CDH18: variants seen among roughly 807,000 people sequenced by gnomAD.
CDH18 encodes the protein cadherin-18.
CDH18 carries 31 observed loss-of-function variants against 67.9 expected under a neutral mutation model. The ratio of observed to expected loss-of-function variants is 0.46; its 90% CI spans 0.34 to 0.62. CDH18 has a LOEUF of 0.62. Ranked by LOEUF, CDH18 falls within the 20% of genes least tolerant of loss-of-function variation. The probability of loss-of-function intolerance (pLI) is 0.01; values close to 1 mark genes in which losing one functional copy is unlikely to be tolerated. For missense variants in CDH18, 890 were observed against 975.5 expected, an observed-to-expected ratio of 0.91 and a Z score of 1.17; for synonymous variants, 362 against 347.2, an observed-to-expected ratio of 1.04 and a Z score of -0.48.
chr5:19,894,172 T>C (rs1789057827), intron 2 of CDH18, among the ~76,000 whole-genome samples: 1 of 152,098 alleles, frequency 6.6e-6, no homozygotes, highest in Non-Finnish European at 1.5e-5. Flanking sequence ...AATCCACTGA[T>C]ATTTTAAAAT....
At chr5:19,642,277 T>C (rs550612621) in intron 5 of CDH18, among the ~76,000 whole-genome samples, 24 of 151,994 alleles carry the variant, frequency 1.6e-4, no homozygotes, top group Admixed American at 1.4e-3. Context: ...AGATTCAATG[T>C]AATCCCCATC....
At chr5:19,658,758 C>T (rs553990540) in intron 5 of CDH18, among the ~76,000 whole-genome samples, 1 of 151,684 alleles carries the variant, frequency 6.6e-6, no homozygotes, top group South Asian at 2.1e-4. Flanking sequence ...CCCATTAACT[C>T]ATCATTTAAC....
At chr5:20,136,879 T>C (rs1749773096) in intron 2 of CDH18, among the ~76,000 whole-genome samples, 1 of 152,218 alleles carries the variant, frequency 6.6e-6, no homozygotes, top group South Asian at 2.1e-4. Context: ...AAATTCAGGG[T>C]TAAAAATTCT....
At chr5:19,823,572 G>T (rs958100354) in intron 3 of CDH18, among the ~76,000 whole-genome samples, 5 of 152,134 alleles carry the variant, frequency 3.3e-5, no homozygotes, top group African/African-American at 1.2e-4. Context: ...GGAGCATAGA[G>T]ATTTATAAAA....
chr5:19,961,468 C>G (rs1156850006), intron 2 of CDH18, among the ~76,000 whole-genome samples: 2 of 152,030 alleles, frequency 1.3e-5, no homozygotes, highest in Non-Finnish European at 2.9e-5. Flanking sequence ...ACCTAAACTT[C>G]ATTATCTGGC....
chr5:20,144,967 C>G (rs1218230843), intron 2 of CDH18, among the ~76,000 whole-genome samples: 3 of 152,068 alleles, frequency 2.0e-5, no homozygotes, highest in Admixed American at 6.6e-5. Context: ...CCTCCAGAAA[C>G]CAGGGGAGAG....
intron 2 of CDH18, among the ~76,000 whole-genome samples, chr5:20,120,564 CTG>C (rs1748273866): frequency 6.6e-6 from 1 of 152,066 alleles, no homozygotes; most frequent in South Asian, 2.1e-4. Flanking sequence ...GAAAGGGAGT[CTG>C]TATTACTAAA....
intron 1 of CDH18, among the ~76,000 whole-genome samples, chr5:20,528,775 T>C (rs2202791): frequency 0.42 from 63,775 of 151,664 alleles, 14,634 homozygotes; most frequent in East Asian, 0.56. Context: ...GCACTAAATG[T>C]CCACATGAAA....
intron 1 of CDH18, among the ~76,000 whole-genome samples, chr5:20,534,449 T>G (rs1455178058): frequency 6.6e-6 from 1 of 152,090 alleles, no homozygotes; most frequent in Non-Finnish European, 1.5e-5. Flanking sequence ...TATACCAATG[T>G]AGAGATACAA....
At position 19,920,794 on chromosome 5, in the gene CDH18, A is replaced by G. The variant is rs562433068; in HGVS notation, c.-257+60266T>C. On this transcript the variant is annotated intron_variant, in intron 2 of 12. Transcript: ENST00000382275. The stretch of plus-strand genomic sequence containing the variant: ...CCCAAAGTGCTGGGATTACAGGCGT[A>G]AGCCACCGTGCCCGGCCCCATTTAA... 6.1e-4 allele frequency among the ~76,000 whole-genome samples: 93 copies of G among 151,576 alleles called. 1 individual carries two copies. The highest frequency in any genetic ancestry group is 1.3e-3 in the South Asian group (6 of 4,790).
chr5:19,682,605 A>G (rs1034398962), intron 5 of CDH18, among the ~76,000 whole-genome samples: 1 of 152,076 alleles, frequency 6.6e-6, no homozygotes, highest in Non-Finnish European at 1.5e-5. Context: ...AGCAGAGGGC[A>G]GAGAGTGTAA....
chr5:20,073,612 A>G (rs1490687479), intron 2 of CDH18, among the ~76,000 whole-genome samples: 3 of 152,046 alleles, frequency 2.0e-5, no homozygotes, highest in African/African-American at 7.2e-5. Flanking sequence ...GAATAGAGAG[A>G]GGCCGGTACA....
At chr5:20,203,102 G>A (rs114126450) in intron 2 of CDH18, among the ~76,000 whole-genome samples, 22 of 152,042 alleles carry the variant, frequency 1.4e-4, no homozygotes, top group Non-Finnish European at 2.9e-4. Context: ...AATCCGCCTG[G>A]CACCAAGCCT....
rs567046676 is a variant in CDH18, at chr5:20,537,729, A to G, written c.-580+37733T>C. 2.6e-5 allele frequency among the ~76,000 whole-genome samples: 4 copies of G among 151,222 alleles called. No individual in the cohort carries two copies. In the East Asian group the frequency reaches 5.9e-4, roughly 22 times the overall value. Reference sequence around the variant, plus strand: ...TGGCAAAATAAAACCATTGTCAAATACTGCTTAGTGTATACAAAAAAAACT... The same window carrying G: ...TGGCAAAATAAAACCATTGTCAAATGCTGCTTAGTGTATACAAAAAAAACT... On this transcript the variant is annotated intron_variant, in intron 1 of 14. Transcript: ENST00000507958.
At chr5:20,293,413 G>A (rs2149948042) in intron 1 of CDH18, among the ~76,000 whole-genome samples, 1 of 151,792 alleles carries the variant, frequency 6.6e-6, no homozygotes, top group Middle Eastern at 3.5e-3. Context: ...TCATAAGGAA[G>A]GTATAAATGT....
chr5:20,162,073 C>T (rs1169051796), intron 2 of CDH18, among the ~76,000 whole-genome samples: 1 of 151,998 alleles, frequency 6.6e-6, no homozygotes, highest in Admixed American at 6.6e-5. Context: ...GAAGTCTTAA[C>T]TGTACTTAGA....
chr5:20,017,161 A>G (rs941497414), intron 2 of CDH18, among the ~76,000 whole-genome samples: 2 of 152,186 alleles, frequency 1.3e-5, no homozygotes. Flanking sequence ...TTATTTCTGA[A>G]AAACTAAATA....
intron 1 of CDH18, among the ~76,000 whole-genome samples, chr5:20,334,131 C>T (rs1422656774): frequency 4.6e-3 from 373 of 81,634 alleles, no homozygotes; most frequent in East Asian, 0.014. Context: ...GACTTGAATT[C>T]TTTTTTTTTT....
chr5:19,650,981 C>G (rs1755491146), intron 5 of CDH18, among the ~76,000 whole-genome samples: 1 of 151,868 alleles, frequency 6.6e-6, no homozygotes, highest in East Asian at 1.9e-4. Flanking sequence ...TATCAATATG[C>G]TTTATGCTAA....
Sources: allele counts gnomAD v4.1 joint callset (sites outside exome capture counted in the v4.1 genomes callset), GRCh38; gene constraint gnomAD v4.1.1; transcripts MANE v1.5; gene names NCBI Gene and HGNC (gene_info 2026-07-23, HGNC 2026-07-21).